Variants in UBE2V2 observed in about 807,000 individuals in gnomAD.
The protein encoded by UBE2V2 is ubiquitin conjugating enzyme E2 V2.
In UBE2V2, 9 loss-of-function variants were observed where a neutral mutation model predicts 17.2. The observed-to-expected ratio is 0.52, with a 90% CI of 0.32 to 0.91. The LOEUF is 0.91. Ranked by LOEUF, UBE2V2 falls within the 40% of genes least tolerant of loss-of-function variation. The probability of loss-of-function intolerance (pLI) is 0.04; values close to 1 mark genes in which losing one functional copy is unlikely to be tolerated. For missense variants in UBE2V2, 133 were observed against 182.6 expected, an observed-to-expected ratio of 0.73 and a Z score of 1.56; for synonymous variants, 61 against 57.5, an observed-to-expected ratio of 1.06 and a Z score of -0.28.
Position 48,063,583 on chromosome 8 carries a change from T to A in UBE2V2, c.*2755T>A, listed in dbSNP as rs1802625195. On this transcript the variant is annotated 3_prime_UTR_variant, in exon 4 of 4. Transcript: ENST00000523111. ...GGTCAGTGTTATGATTTAATGGTTT[T>A]AATTACTTAACCAATTTTAAGAATT... 1 of 152,228 alleles carries A rather than the reference T, an allele frequency of 6.6e-6. No individual in the cohort carries two copies. The highest frequency in any genetic ancestry group is 1.5e-5 in the Non-Finnish European group (1 of 68,042). The allele number at this position is 152,228 out of a possible 1,614,324, so 9.4% of individuals were successfully genotyped here.
chr8:48,003,992 G>GGTGTTTGGGCTTGGC (rs1202442011), upstream of UBE2V2, among the ~76,000 whole-genome samples: 2 of 152,138 alleles, frequency 1.3e-5, no homozygotes, highest in African/African-American at 4.8e-5. Context: ...ATCAGGCCGT[G>GGTGTTTGGGCTTGGC]GTGTTTGGGC....
intron 2 of UBE2V2, among the ~76,000 whole-genome samples, chr8:48,043,781 T>A (rs1290969107): frequency 6.6e-6 from 1 of 152,254 alleles, no homozygotes; most frequent in African/African-American, 2.4e-5. Flanking sequence ...GCTGTAGGTC[T>A]CAGCTTCTTC....
At chr8:48,042,999 C>T in intron 1 of UBE2V2, 34 bp from the exon 2 acceptor site, 1 of 1,415,798 alleles carries the variant, frequency 7.1e-7, no homozygotes, top group Non-Finnish European at 9.3e-7. Context: ...TAATTATGAG[C>T]TTTTTACATT....
intron 1 of UBE2V2, among the ~76,000 whole-genome samples, chr8:48,023,875 CA>C (rs142431902): frequency 6.6e-6 from 1 of 151,686 alleles, no homozygotes. Context: ...GACCCTGTCT[CA>C]AAAAAACAAA....
At chr8:48,035,650 T>C (rs1462212373) in intron 1 of UBE2V2, among the ~76,000 whole-genome samples, 3 of 140,260 alleles carry the variant, frequency 2.1e-5, no homozygotes, top group Non-Finnish European at 4.6e-5. Flanking sequence ...TGTGTGTGTG[T>C]GTGTGTGTGT....
At chr8:48,015,514 A>C (rs2091262509) in intron 1 of UBE2V2, among the ~76,000 whole-genome samples, 1 of 152,230 alleles carries the variant, frequency 6.6e-6, no homozygotes, top group African/African-American at 2.4e-5. Flanking sequence ...AATACTTAAT[A>C]GCTACTGAGT....
the UBE2V2 span, among the ~76,000 whole-genome samples, chr8:48,000,033 G>A: frequency 1.3e-5 from 2 of 152,220 alleles, no homozygotes; most frequent in Non-Finnish European, 2.9e-5. Flanking sequence ...GTTAGGTCAG[G>A]GGTTGATCTT....
At chr8:48,004,050 T>A (rs1405916460), upstream of UBE2V2, among the ~76,000 whole-genome samples, 1 of 152,200 alleles carries the variant, frequency 6.6e-6, no homozygotes, top group Non-Finnish European at 1.5e-5. Context: ...CTGCTATAAC[T>A]ACCTATGGTA....
At chr8:48,006,866 C>CTTTTTAT (rs1323392070), upstream of UBE2V2, among the ~76,000 whole-genome samples, 1 of 151,912 alleles carries the variant, frequency 6.6e-6, no homozygotes, top group Non-Finnish European at 1.5e-5. Context: ...ATGAAGGATT[C>CTTTTTAT]TTTTTATTTT....
intron 1 of UBE2V2, among the ~76,000 whole-genome samples, chr8:48,015,756 C>T (rs1214271021): frequency 6.6e-6 from 1 of 152,068 alleles, no homozygotes; most frequent in East Asian, 1.9e-4. Context: ...CTTTCTGTGC[C>T]TGTGTTATTT....
At chr8:48,008,526 C>A in intron 1 of UBE2V2, 56 bp downstream of exon 1, 1 of 1,533,940 alleles carries the variant, frequency 6.5e-7, no homozygotes, top group East Asian at 2.8e-5. Context: ...TCTGCCCCTC[C>A]GTCTGCTGCT....
upstream of UBE2V2, among the ~76,000 whole-genome samples, chr8:48,006,724 C>T (rs1473322171): frequency 4.6e-5 from 7 of 152,194 alleles, no homozygotes; most frequent in Middle Eastern, 3.4e-3. Flanking sequence ...GAAAAGGCTT[C>T]GACAAAATTC....
At chr8:48,008,345 C>T (rs371137115), upstream of UBE2V2, 4,961 of 1,375,502 alleles carry the variant, frequency 3.6e-3, 49 homozygotes, top group South Asian at 0.028. Context: ...TCGCCCCGCG[C>T]CCGCCGGGGG....
chr8:48,044,349 A>T (rs138609222), intron 2 of UBE2V2, among the ~76,000 whole-genome samples: 5 of 152,268 alleles, frequency 3.3e-5, no homozygotes, highest in African/African-American at 1.2e-4. Context: ...GGGTTTCACC[A>T]TGTCGGCCAG....
In UBE2V2 at chr8:48,021,286, C is replaced by A. The variant is rs1191637195; in HGVS notation, c.16+12816C>A. ...TAGAGACAGGGTTTCACTGTGTTGG[C>A]TAGGCTGGTCTCGAACCCTTTTTTT... On this transcript the variant is annotated intron_variant, in intron 1 of 3. Transcript: ENST00000523111. 2.8e-5 allele frequency among the ~76,000 whole-genome samples: 4 copies of A among 143,718 alleles called. No individual in the cohort carries two copies. The East Asian group carries it at 8.2e-4, about 29-fold the overall frequency. The allele number at this position is 143,718 out of a possible 152,430, so 94.3% of individuals were successfully genotyped here. A position where few individuals can be genotyped will look rare whatever the true frequency, so the allele number is the denominator to read the frequency against.
At chr8:48,048,633 C>CT (rs1273759364) in intron 2 of UBE2V2, among the ~76,000 whole-genome samples, 1 of 152,030 alleles carries the variant, frequency 6.6e-6, no homozygotes, top group Non-Finnish European at 1.5e-5. Context: ...TTATATAGCT[C>CT]TTTTTTTCTT....
intron 3 of UBE2V2, 125 bp from the exon 4 acceptor site, chr8:48,060,557 A>G (rs1802577906): frequency 1.3e-6 from 1 of 780,998 alleles, no homozygotes; most frequent in Non-Finnish European, 1.8e-6. Context: ...TCCATAGTGT[A>G]TGTTTTGTGA....
intron 1 of UBE2V2, among the ~76,000 whole-genome samples, chr8:48,025,986 C>T (rs1006659787): frequency 1.3e-5 from 2 of 152,080 alleles, no homozygotes; most frequent in Non-Finnish European, 2.9e-5. Context: ...AGAAACGTAT[C>T]TCTGTATCAG....
chr8:48,045,617 G>T (rs895223086), intron 2 of UBE2V2, among the ~76,000 whole-genome samples: 1 of 152,246 alleles, frequency 6.6e-6, no homozygotes. Context: ...AAGTGCCAAG[G>T]TGCCGTATTT....
Sources: allele counts gnomAD v4.1 joint callset (sites outside exome capture counted in the v4.1 genomes callset), GRCh38; gene constraint gnomAD v4.1.1; transcripts MANE v1.5; gene names NCBI Gene and HGNC (gene_info 2026-07-23, HGNC 2026-07-21).